Variants in HOMER1 observed in about 807,000 individuals in gnomAD.
The protein encoded by HOMER1 is homer protein homolog 1.
HOMER1 carries 3 observed loss-of-function variants against 48.9 expected under a neutral mutation model. The ratio of observed to expected loss-of-function variants is 0.06; its 90% confidence interval spans 0.03 to 0.16. The LOEUF is 0.16. HOMER1 is among the 10% of genes least tolerant of loss of function. The pLI is 1.00. For synonymous variants in HOMER1, 134 were observed against 146.4 expected (o/e 0.92, Z 0.61); for missense variants, 247 against 411.4 (o/e 0.60, Z 3.46).
Position 79,482,842 on chromosome 5 carries a change from A to T in HOMER1, c.6-25824T>A, listed in dbSNP as rs190426702. On this transcript the variant is annotated intron_variant, in intron 1 of 8. Transcript: ENST00000334082. ...AAGACCCTGTCTCTAAAAAAATATT[A>T]AAAAAAAAAAAATAGCTGGACATGG... Among the ~76,000 whole-genome samples the T allele has an allele frequency of 7.0e-4, 100 of 143,166 alleles. 4 individuals are homozygous for T. Among genetic ancestry groups the T allele is most frequent in the African/African-American group, 2.3e-3 (91 of 38,970 alleles). 93.9% of individuals were successfully genotyped at this position (143,166 alleles called of 152,430 possible).
At chr5:79,431,163 C>T (rs1015844985) in intron 5 of HOMER1, among the ~76,000 whole-genome samples, 5 of 151,968 alleles carry the variant, frequency 3.3e-5, no homozygotes, top group African/African-American at 1.2e-4. Flanking sequence ...AAGCCCATCT[C>T]TACAAAAAAT....
intron 1 of HOMER1, among the ~76,000 whole-genome samples, chr5:79,480,562 T>A (rs1300896594): frequency 1.3e-5 from 2 of 152,234 alleles, no homozygotes; most frequent in Non-Finnish European, 2.9e-5. Context: ...TAAATCTTTG[T>A]TAGTGTCATG....
intron 1 of HOMER1, among the ~76,000 whole-genome samples, chr5:79,503,001 A>G (rs369228268): frequency 6.5e-4 from 99 of 152,210 alleles, no homozygotes; most frequent in African/African-American, 1.1e-3. Flanking sequence ...CGTGTTAGCC[A>G]GGACGGTCTT....
At chr5:79,408,910 C>T (rs1186276599) in intron 5 of HOMER1, among the ~76,000 whole-genome samples, 1 of 150,698 alleles carries the variant, frequency 6.6e-6, no homozygotes, top group Non-Finnish European at 1.5e-5. Context: ...TGGCAAAACC[C>T]GTCTCTACTA....
chr5:79,442,071 C>A (rs1363465762), intron 4 of HOMER1, among the ~76,000 whole-genome samples: 1 of 151,480 alleles, frequency 6.6e-6, no homozygotes, highest in Non-Finnish European at 1.5e-5. Flanking sequence ...TTTCTATTGA[C>A]TTTATATCCT....
At chr5:79,403,892 A>G (rs765019543) in intron 5 of HOMER1, among the ~76,000 whole-genome samples, 47 of 152,248 alleles carry the variant, frequency 3.1e-4, no homozygotes, top group Admixed American at 7.2e-4. Flanking sequence ...ATGAAAGGAT[A>G]GAATCAAGCA....
At chr5:79,393,052 A>G (rs1749295067) in intron 8 of HOMER1, among the ~76,000 whole-genome samples, 1 of 152,040 alleles carries the variant, frequency 6.6e-6, no homozygotes, top group South Asian at 2.1e-4. Flanking sequence ...AATGTAAGTA[A>G]AGGGTATATA....
In HOMER1 at chr5:79,439,186, A is replaced by G. The variant is rs73120386; in HGVS notation, c.388-37T>C. On this transcript the variant is annotated intron_variant, in intron 4 of 8. Coordinates refer to ENST00000334082, the MANE Select transcript of HOMER1 (RefSeq NM_004272.5). ...GGGGTGGGGGATAAAAAATAGTTAC[A>G]CTTTTGTTAAAGTACACAATATCAT... 3.6e-3 allele frequency: 5,791 copies of G among 1,608,466 alleles called. 188 individuals carry two copies. In the African/African-American group the frequency reaches 0.069, roughly 19 times the overall value.
At chr5:79,384,782 C>CA (rs1329881569) in intron 8 of HOMER1, among the ~76,000 whole-genome samples, 4 of 151,840 alleles carry the variant, frequency 2.6e-5, no homozygotes, top group African/African-American at 4.8e-5. Context: ...AACAGTGTAT[C>CA]AAAAAGATGA....
intron 5 of HOMER1, among the ~76,000 whole-genome samples, chr5:79,411,502 A>G (rs1428507175): frequency 1.3e-5 from 2 of 152,028 alleles, no homozygotes; most frequent in African/African-American, 4.8e-5. Flanking sequence ...AAATAAAAAT[A>G]AAGTCACAGT....
rs1748687019 is a variant in HOMER1 at position 79,373,547 on chromosome 5, G to GA, written c.*2461dup. 6.6e-6 allele frequency: 1 copy of GA among 151,548 alleles called. No homozygotes were observed. Among genetic ancestry groups the GA allele is most frequent in the South Asian group, 2.1e-4 (1 of 4,818 alleles). 9.4% of individuals were successfully genotyped at this position (151,548 alleles called of 1,614,324 possible). ...CAAATGTTTATATAATACAGAAATG[G>GA]AAAAAACTACAGTAGGCACACAACC... On this transcript the variant is annotated 3_prime_UTR_variant, in exon 9 of 9. Coordinates refer to ENST00000334082, the MANE Select transcript of HOMER1 (RefSeq NM_004272.5).
chr5:79,386,723 T>C (rs1749119498), intron 8 of HOMER1, among the ~76,000 whole-genome samples: 1 of 152,170 alleles, frequency 6.6e-6, no homozygotes, highest in Non-Finnish European at 1.5e-5. Flanking sequence ...TTATCACATG[T>C]ATCCCATAAA....
intron 8 of HOMER1, among the ~76,000 whole-genome samples, chr5:79,388,358 T>C (rs1228248517): frequency 6.6e-6 from 1 of 152,174 alleles, no homozygotes; most frequent in African/African-American, 2.4e-5. Flanking sequence ...GAGGGTGTTT[T>C]TGAACTAACA....
chr5:79,453,559 A>G (rs140681179), intron 2 of HOMER1, among the ~76,000 whole-genome samples: 1 of 152,202 alleles, frequency 6.6e-6, no homozygotes, highest in Admixed American at 6.5e-5. Flanking sequence ...AGTAGAATGC[A>G]TTTAAAAGAA....
intron 3 of HOMER1, among the ~76,000 whole-genome samples, chr5:79,450,032 T>C (rs988115910): frequency 8.5e-5 from 13 of 152,150 alleles, no homozygotes; most frequent in Non-Finnish European, 1.5e-4. Flanking sequence ...GAAAAACAGC[T>C]TAAAATTTAA....
intron 5 of HOMER1, among the ~76,000 whole-genome samples, chr5:79,415,910 C>T (rs1321716349): frequency 6.6e-6 from 1 of 152,142 alleles, no homozygotes; most frequent in Non-Finnish European, 1.5e-5. Flanking sequence ...TACCTAACCT[C>T]ATCAGGTCTC....
intron 8 of HOMER1, among the ~76,000 whole-genome samples, chr5:79,381,771 G>A (rs1252664859): frequency 6.6e-6 from 1 of 152,030 alleles, no homozygotes; most frequent in African/African-American, 2.4e-5. Flanking sequence ...TGTAATCCCA[G>A]CTACTCTGAA....
intron 1 of HOMER1, among the ~76,000 whole-genome samples, chr5:79,479,610 A>T (rs1751889993): frequency 6.6e-6 from 1 of 152,328 alleles, no homozygotes; most frequent in African/African-American, 2.4e-5. Flanking sequence ...TGGGCTTCTC[A>T]CACTTTGATT....
intron 1 of HOMER1, among the ~76,000 whole-genome samples, chr5:79,460,464 T>A (rs2112307937): frequency 6.6e-6 from 1 of 151,632 alleles, no homozygotes; most frequent in South Asian, 2.1e-4. Context: ...AAAAAGGAGG[T>A]GGGTTGGAGA....
Sources: allele counts gnomAD v4.1 joint callset (sites outside exome capture counted in the v4.1 genomes callset), GRCh38; gene constraint gnomAD v4.1.1; transcripts MANE v1.5; gene names NCBI Gene and HGNC (gene_info 2026-07-23, HGNC 2026-07-21).